Variants in PBRM1 observed in about 807,000 individuals in gnomAD.
PBRM1 encodes protein polybromo-1.
In PBRM1, 27 loss-of-function variants were observed where a neutral mutation model predicts 194.5. The observed-to-expected ratio is 0.14, with a 90% confidence interval of 0.10 to 0.19. PBRM1 has a LOEUF of 0.19. Among genes scored for constraint, PBRM1 ranks in the 10% least tolerant of loss-of-function variants. PBRM1 has a pLI of 1.00. For synonymous variants in PBRM1, 655 were observed against 693.2 expected (o/e 0.94, Z 0.87); for missense variants, 1,466 against 2,077.2 (o/e 0.71, Z 5.72).
At chr3:52,579,824 A>G (rs2090633593) in intron 20 of PBRM1, among the ~76,000 whole-genome samples, 1 of 152,122 alleles carries the variant, frequency 6.6e-6, no homozygotes, top group South Asian at 2.1e-4. Context: ...AAAAAACTGG[A>G]GAGGATTTAT....
chr3:52,625,339 G>A lies in PBRM1; in HGVS notation c.1541+1934C>T, dbSNP rs143291956. On this transcript the variant is annotated intron_variant, in intron 13 of 29. Transcript: ENST00000296302. ...CCAAAACCTCTCAACATGACTGATC[G>A]TGTTATTTCCTTTTTCATAGTCCAA... Among the ~76,000 whole-genome samples the A allele has an allele frequency of 3.4e-3, 517 of 152,188 alleles. 3 individuals are homozygous for A. Among genetic ancestry groups the A allele is most frequent in the Non-Finnish European group, 5.5e-3 (375 of 68,004 alleles).
chr3:52,656,143 TC>T (rs2096603378), intron 5 of PBRM1, among the ~76,000 whole-genome samples: 1 of 152,216 alleles, frequency 6.6e-6, no homozygotes, highest in Non-Finnish European at 1.5e-5. Flanking sequence ...GTGAGTCAAA[TC>T]TATATGTTAA....
chr3:52,683,950 C>T (rs972933864), upstream of PBRM1, among the ~76,000 whole-genome samples: 2 of 126,274 alleles, frequency 1.6e-5, no homozygotes, highest in African/African-American at 3.1e-5. Flanking sequence ...GCAGGATGAC[C>T]GCTTGAGGCA....
At chr3:52,657,008 T>C (rs766239874) in intron 5 of PBRM1, among the ~76,000 whole-genome samples, 13 of 152,336 alleles carry the variant, frequency 8.5e-5, no homozygotes, top group Non-Finnish European at 1.3e-4. Flanking sequence ...GGCTACAATA[T>C]AGATGAATCC....
At chr3:52,562,042 C>A in intron 24 of PBRM1, 74 bp from the exon 27 acceptor site, 1 of 1,228,408 alleles carries the variant, frequency 8.1e-7, no homozygotes, top group Non-Finnish European at 1.2e-6. Flanking sequence ...CAGAAGCCAG[C>A]CGGGCGCGGT....
At chr3:52,612,278 A>AAAAAAAAAAAAC in intron 15 of PBRM1, among the ~76,000 whole-genome samples, 1 of 149,876 alleles carries the variant, frequency 6.7e-6, no homozygotes, top group South Asian at 2.1e-4. Context: ...AAAAAAAAAA[A>AAAAAAAAAAAAC]AAAAGAGGTA....
chr3:52,578,259 CACTTT>C (rs1191162179), intron 21 of PBRM1, among the ~76,000 whole-genome samples: 5 of 152,176 alleles, frequency 3.3e-5, no homozygotes, highest in African/African-American at 1.2e-4. Context: ...ACATACTATA[CACTTT>C]ACTTATTCAA....
intron 22 of PBRM1, among the ~76,000 whole-genome samples, chr3:52,566,028 C>T (rs951857924): frequency 3.3e-5 from 5 of 151,364 alleles, no homozygotes; most frequent in Admixed American, 6.6e-5. Context: ...CCAGCCTGGG[C>T]GAAAGAGCGA....
exon 27 of PBRM1, chr3:52,554,808 T>G (rs761386514): frequency 5.0e-6 from 8 of 1,595,310 alleles, no homozygotes; most frequent in Non-Finnish European, 6.8e-6. Flanking sequence ...GGCTGCATGC[T>G]GCCCATGCTA....
chr3:52,631,858 T>C (rs959222217), intron 11 of PBRM1, among the ~76,000 whole-genome samples: 3 of 152,208 alleles, frequency 2.0e-5, no homozygotes, highest in Non-Finnish European at 4.4e-5. Context: ...AGAAAGGAGC[T>C]TGGAATGTAC....
rs183163540 is a variant in PBRM1, at chr3:52,590,673, C to G, written c.2780-1418G>C. Among the ~76,000 whole-genome samples the G allele has an allele frequency of 5.2e-4, 79 of 152,112 alleles. 1 individual carries two copies. In the South Asian group the frequency reaches 6.8e-3, roughly 13 times the overall value. On this transcript the variant is annotated intron_variant, in intron 17 of 29. Coordinates refer to ENST00000296302, the Ensembl canonical transcript of PBRM1. ...TTTTTAGACAGTCTCACTCTGTCACCCAGAGTCTTGAACTCCTGACCTCAA... is the reference window on the plus strand; with the variant it reads ...TTTTTAGACAGTCTCACTCTGTCACGCAGAGTCTTGAACTCCTGACCTCAA...
At chr3:52,554,941 A>C (rs1210396580) in intron 26 of PBRM1, 62 bp from the exon 29 acceptor site, 10 of 1,400,444 alleles carry the variant, frequency 7.1e-6, no homozygotes, top group Non-Finnish European at 9.0e-6. Context: ...CTAAGTAATA[A>C]CAACCAACCC....
chr3:52,577,711 T>C (rs996685677), intron 21 of PBRM1, among the ~76,000 whole-genome samples: 5 of 152,180 alleles, frequency 3.3e-5, no homozygotes, highest in African/African-American at 4.8e-5. Flanking sequence ...TTCAAAATAC[T>C]ATCTTTTGCA....
chr3:52,578,824 T>C (rs2090356653), intron 21 of PBRM1, among the ~76,000 whole-genome samples: 1 of 152,138 alleles, frequency 6.6e-6, no homozygotes, highest in South Asian at 2.1e-4. Context: ...CTGTATGAAG[T>C]AGGCAGGGAG....
intron 11 of PBRM1, among the ~76,000 whole-genome samples, chr3:52,633,218 G>A (rs867769861): frequency 4.0e-5 from 6 of 151,342 alleles, no homozygotes; most frequent in African/African-American, 9.7e-5. Context: ...CTGGATCAGC[G>A]TCTATGTCTC....
intron 13 of PBRM1, among the ~76,000 whole-genome samples, chr3:52,627,002 G>GAAA (rs59857445): frequency 6.9e-6 from 1 of 144,902 alleles, no homozygotes; most frequent in Non-Finnish European, 1.5e-5. Context: ...CACATTAAAA[G>GAAA]AAAAAAAAAA....
chr3:52,561,239 C>T (rs1034285676), intron 25 of PBRM1, among the ~76,000 whole-genome samples: 5 of 152,118 alleles, frequency 3.3e-5, no homozygotes, highest in Admixed American at 6.5e-5. Flanking sequence ...GGCAGTTGAG[C>T]TTTATAAAAA....
chr3:52,606,423 T>G (rs1297757544), intron 16 of PBRM1, among the ~76,000 whole-genome samples: 1 of 152,230 alleles, frequency 6.6e-6, no homozygotes, highest in African/African-American at 2.4e-5. Flanking sequence ...AGTGAAAATT[T>G]CTGTAAATTA....
At chr3:52,568,970 C>T (rs1042407442) in intron 22 of PBRM1, among the ~76,000 whole-genome samples, 2 of 152,152 alleles carry the variant, frequency 1.3e-5, no homozygotes, top group African/African-American at 4.8e-5. Flanking sequence ...TCACTGCAGC[C>T]TCAACCTCCT....
Sources: allele counts gnomAD v4.1 joint callset (sites outside exome capture counted in the v4.1 genomes callset), GRCh38; gene constraint gnomAD v4.1.1; transcripts MANE v1.5; gene names NCBI Gene and HGNC (gene_info 2026-07-23, HGNC 2026-07-21).